Variants in PI4K2A observed in about 807,000 individuals in gnomAD.
PI4K2A encodes phosphatidylinositol 4-kinase type 2 alpha.
Under a neutral mutation model 55.0 loss-of-function variants are expected in PI4K2A, and 20 were observed. The ratio of observed to expected loss-of-function variants is 0.36; its 90% confidence interval spans 0.26 to 0.53. The LOEUF is 0.53. Among genes scored for constraint, PI4K2A ranks in the 20% least tolerant of loss-of-function variants. PI4K2A has a pLI of 0.91. For synonymous variants in PI4K2A, 235 were observed against 258.5 expected, an observed-to-expected ratio of 0.91 and a Z score of 0.87; for missense variants, 463 against 637.1, an observed-to-expected ratio of 0.73 and a Z score of 2.94.
At chr10:97,652,487 G>A (rs2041534169) in intron 2 of PI4K2A, among the ~76,000 whole-genome samples, 1 of 151,372 alleles carries the variant, frequency 6.6e-6, no homozygotes, top group African/African-American at 2.4e-5. Flanking sequence ...TTTTTGTAGA[G>A]ACAAGGTCTC....
intron 1 of PI4K2A, among the ~76,000 whole-genome samples, chr10:97,649,690 C>T (rs2041521859): frequency 1.6e-5 from 2 of 125,132 alleles, no homozygotes; most frequent in African/African-American, 5.7e-5. Flanking sequence ...GTGGCGTGAT[C>T]TCAGCTCACT....
At chr10:97,659,644 C>T (rs1329487416) in intron 4 of PI4K2A, among the ~76,000 whole-genome samples, 1 of 151,870 alleles carries the variant, frequency 6.6e-6, no homozygotes, top group Non-Finnish European at 1.5e-5. Context: ...TCCTTTTTGC[C>T]CACCTTGGCA....
At position 97,665,958 on chromosome 10, in the gene PI4K2A, C is replaced by T. The variant is rs185593122; in HGVS notation, c.1085-480C>T. Reference sequence around the variant, plus strand: ...TATTTCCTGAAATATCTTTTTTTTTCCTGTTATCTGAGGACTGTCTTTCCA... The same window carrying T: ...TATTTCCTGAAATATCTTTTTTTTTTCTGTTATCTGAGGACTGTCTTTCCA... On this transcript the variant is annotated intron_variant, in intron 6 of 8. Coordinates refer to ENST00000370631, the Ensembl canonical transcript of PI4K2A. Among the ~76,000 whole-genome samples the T allele has an allele frequency of 4.3e-3, 649 of 149,782 alleles. 8 individuals are homozygous for T. The highest frequency in any genetic ancestry group is 0.015 in the African/African-American group (607 of 40,932).
chr10:97,660,946 T>TTC (rs1554879237), intron 4 of PI4K2A, among the ~76,000 whole-genome samples: 2 of 151,716 alleles, frequency 1.3e-5, no homozygotes, highest in South Asian at 2.1e-4. Flanking sequence ...TTTTTTTTTT[T>TTC]CAACTAAGGC....
intron 1 of PI4K2A, among the ~76,000 whole-genome samples, chr10:97,650,126 T>TC (rs2041523594): frequency 6.6e-6 from 1 of 152,126 alleles, no homozygotes; most frequent in African/African-American, 2.4e-5. Context: ...CTGTGATAAG[T>TC]TAATTCCTCA....
chr10:97,658,107 C>T (rs1029660885), intron 4 of PI4K2A, among the ~76,000 whole-genome samples: 8 of 152,180 alleles, frequency 5.3e-5, no homozygotes, highest in African/African-American at 1.4e-4. Context: ...GCTGGGATTA[C>T]AGGTGTGAGC....
exon 1 of PI4K2A, chr10:97,640,914 C>G (rs1356996505): frequency 1.5e-6 from 2 of 1,310,446 alleles, no homozygotes; most frequent in Non-Finnish European, 1.9e-6. Flanking sequence ...CGACCGCGAG[C>G]GGCAGCCACT....
chr10:97,657,881 G>A (rs2041562913), intron 4 of PI4K2A, among the ~76,000 whole-genome samples: 2 of 151,988 alleles, frequency 1.3e-5, no homozygotes, highest in African/African-American at 2.4e-5. Context: ...TGTCACCTAG[G>A]CTGGAGTGCA....
chr10:97,648,092 A>ATTTTTTTTTTT lies in PI4K2A; in HGVS notation c.436-2839_436-2829dup, dbSNP rs11332690. On this transcript the variant is annotated intron_variant, in intron 1 of 8. Transcript: ENST00000370631. The stretch of plus-strand genomic sequence containing the variant: ...AGGTGCATACCACCACACTTAGCTA[A>ATTTTTTTTTTT]TTTTTTTTTTTTTTTTTTTTGAGAT... Among the ~76,000 whole-genome samples the ATTTTTTTTTTT allele has an allele frequency of 7.1e-3, 852 of 120,466 alleles. 5 individuals are homozygous for ATTTTTTTTTTT. The highest frequency in any genetic ancestry group is 0.014 in the Middle Eastern group (3 of 222). 79.0% of individuals were successfully genotyped at this position (120,466 alleles called of 152,430 possible).
At chr10:97,646,886 C>T (rs552048641) in intron 1 of PI4K2A, among the ~76,000 whole-genome samples, 88 of 152,032 alleles carry the variant, frequency 5.8e-4, no homozygotes, top group African/African-American at 2.0e-3. Flanking sequence ...GCGATTCTCC[C>T]GCCTCAGCCT....
intron 1 of PI4K2A, among the ~76,000 whole-genome samples, chr10:97,645,296 A>G (rs1460893309): frequency 6.6e-6 from 1 of 152,098 alleles, no homozygotes; most frequent in Non-Finnish European, 1.5e-5. Flanking sequence ...CTTGGGGTAC[A>G]TGGTATCGAA....
chr10:97,670,281 T>C (rs2041628844), intron 8 of PI4K2A, among the ~76,000 whole-genome samples: 1 of 152,254 alleles, frequency 6.6e-6, no homozygotes, highest in South Asian at 2.1e-4. Flanking sequence ...ATAATTTTTC[T>C]TTTTAAATTC....
At chr10:97,665,899 A>G (rs1344012395) in intron 6 of PI4K2A, among the ~76,000 whole-genome samples, 2 of 152,014 alleles carry the variant, frequency 1.3e-5, no homozygotes, top group South Asian at 2.1e-4. Flanking sequence ...CCCTTTTTTA[A>G]TTTTTTAATT....
At chr10:97,664,924 G>A in exon 6 of PI4K2A, 1 of 1,614,056 alleles carries the variant, frequency 6.2e-7, no homozygotes, top group African/African-American at 1.3e-5. Context: ...TGTTATCAAG[G>A]TGGCTGCCAT....
chr10:97,651,060 C>T (rs2041528101), exon 2 of PI4K2A: 2 of 1,614,120 alleles, frequency 1.2e-6, no homozygotes, highest in African/African-American at 1.3e-5. Context: ...ACTGCCTTGT[C>T]CTTAACCAGG....
intron 8 of PI4K2A, 28 bp from the exon 9 acceptor site, chr10:97,673,553 C>T: frequency 6.2e-7 from 1 of 1,610,780 alleles, no homozygotes; most frequent in South Asian, 1.1e-5. Context: ...AGGCCTCTCC[C>T]TCACCCATCT....
chr10:97,670,238 G>C (rs2041628683), intron 8 of PI4K2A, among the ~76,000 whole-genome samples: 1 of 152,132 alleles, frequency 6.6e-6, no homozygotes, highest in Admixed American at 6.6e-5. Context: ...TTAGTATTAT[G>C]TGACTGCTAT....
exon 9 of PI4K2A, chr10:97,675,400 G>A (rs1269266458): frequency 6.6e-6 from 1 of 152,428 alleles, no homozygotes; most frequent in Non-Finnish European, 1.5e-5. Flanking sequence ...TGCATGCCCT[G>A]TGGACGAAGG....
At chr10:97,645,726 T>C (rs2041501995) in intron 1 of PI4K2A, among the ~76,000 whole-genome samples, 1 of 151,510 alleles carries the variant, frequency 6.6e-6, no homozygotes, top group African/African-American at 2.4e-5. Context: ...TTTTATTATA[T>C]ATATATTTTT....
Sources: allele counts gnomAD v4.1 joint callset (sites outside exome capture counted in the v4.1 genomes callset), GRCh38; gene constraint gnomAD v4.1.1; transcripts MANE v1.5; gene names NCBI Gene and HGNC (gene_info 2026-07-23, HGNC 2026-07-21).